The following GC variants were observed in gnomAD, a reference collection of about 807,000 sequenced individuals.
The protein encoded by GC is vitamin D-binding protein.
Under a neutral mutation model 56.7 loss-of-function variants are expected in GC, and 43 were observed. That is an observed-to-expected ratio of 0.76 (90% CI 0.59 to 0.98). GC has a LOEUF of 0.98. GC is among the 50% of genes least tolerant of loss of function. GC has a pLI of 0.00. For synonymous variants in GC, 216 were observed against 202.7 expected, an observed-to-expected ratio of 1.07 and a Z score of -0.56; for missense variants, 529 against 545.9, an observed-to-expected ratio of 0.97 and a Z score of 0.31.
intron 12 of GC, among the ~76,000 whole-genome samples, chr4:71,744,073 G>A (rs1741271180): frequency 6.6e-6 from 1 of 152,034 alleles, no homozygotes; most frequent in Non-Finnish European, 1.5e-5. Context: ...CCATGAACCA[G>A]AAGAATCAGT....
At chr4:71,794,778 T>G (rs893726680) in intron 1 of GC, among the ~76,000 whole-genome samples, 8 of 152,220 alleles carry the variant, frequency 5.3e-5, no homozygotes, top group African/African-American at 1.9e-4. Flanking sequence ...CTTTCCTGCT[T>G]TCTCTTGTGG....
intron 12 of GC, among the ~76,000 whole-genome samples, chr4:71,742,332 C>T (rs1310063956): frequency 1.3e-5 from 2 of 152,110 alleles, no homozygotes; most frequent in Non-Finnish European, 2.9e-5. Context: ...AGGGCCAATT[C>T]GTCTCCCTTA....
At chr4:71,797,074 G>C (rs1002516489) in intron 1 of GC, among the ~76,000 whole-genome samples, 2 of 152,182 alleles carry the variant, frequency 1.3e-5, no homozygotes, top group African/African-American at 4.8e-5. Context: ...TCCCAGAGGG[G>C]CACCTGCCTG....
chr4:71,803,884 A>G (rs1412086979), intron 1 of GC: 2 of 1,157,990 alleles, frequency 1.7e-6, no homozygotes, highest in Non-Finnish European at 2.5e-6. Context: ...CTCAGAGAGT[A>G]CCAATGGTAA....
At chr4:71,754,909 T>C (rs1741673108) in intron 9 of GC, 69 bp downstream of exon 9, 1 of 1,070,622 alleles carries the variant, frequency 9.3e-7, no homozygotes, top group Non-Finnish European at 1.3e-6. Flanking sequence ...TGAGCAAGTT[T>C]TGGCCCATGA....
chr4:71,755,108 C>T lies in GC; in HGVS notation c.1035-1G>A, dbSNP rs112725080. The T allele has an allele frequency of 6.6e-7, 1 of 1,514,594 alleles. No individual in the cohort carries two copies. The highest frequency in any genetic ancestry group is 8.9e-7 in the Non-Finnish European group (1 of 1,118,662). The allele number at this position is 1,514,594 out of a possible 1,614,324, so 93.8% of individuals were successfully genotyped here. On this transcript the variant is annotated splice_acceptor_variant, in intron 8 of 12. Transcript: ENST00000273951. LOFTEE classifies it high-confidence loss of function. The stretch of plus-strand genomic sequence containing the variant: ...CCTTCTGCTTAGTTCAAATGTATAC[C>T]TAGCATGAGGGAGAAAAGGAGATAT...
intron 6 of GC, among the ~76,000 whole-genome samples, 168 bp downstream of exon 6, chr4:71,763,240 G>T (rs73827385): frequency 6.6e-6 from 1 of 151,986 alleles, no homozygotes; most frequent in East Asian, 1.9e-4. Context: ...TTCATAATCT[G>T]TATAGAGAAA....
chr4:71,772,516 G>A (rs779170473), intron 1 of GC, among the ~76,000 whole-genome samples: 25 of 152,152 alleles, frequency 1.6e-4, no homozygotes, highest in Non-Finnish European at 2.2e-4. Context: ...TGTGAAGGTA[G>A]TGTAACTGGG....
At chr4:71,766,553 A>C (rs1742165270) in intron 3 of GC, among the ~76,000 whole-genome samples, 2 of 152,184 alleles carry the variant, frequency 1.3e-5, no homozygotes, top group African/African-American at 4.8e-5. Context: ...TTATATGGGA[A>C]ACAGTACTTT....
chr4:71,790,054 TTA>T (rs1742932060), intron 1 of GC, among the ~76,000 whole-genome samples: 6 of 152,002 alleles, frequency 3.9e-5, no homozygotes, highest in Admixed American at 3.9e-4. Context: ...TGAAGCTCTG[TTA>T]TTATACACAT....
At chr4:71,768,563 G>C in intron 2 of GC, 130 bp from the exon 3 acceptor site, 1 of 665,832 alleles carries the variant, frequency 1.5e-6, no homozygotes, top group Non-Finnish European at 2.4e-6. Flanking sequence ...CTGCCTCCCA[G>C]GTTCAAGCAA....
upstream of GC, among the ~76,000 whole-genome samples, chr4:71,785,626 T>A (rs1742814248): frequency 1.3e-5 from 2 of 151,892 alleles, no homozygotes; most frequent in African/African-American, 4.8e-5. Flanking sequence ...ATCCATATGG[T>A]CAAGGAGATA....
intron 7 of GC, among the ~76,000 whole-genome samples, chr4:71,757,367 TG>T (rs1741814929): frequency 6.6e-6 from 1 of 152,084 alleles, no homozygotes; most frequent in African/African-American, 2.4e-5. Flanking sequence ...GCATTTTTAA[TG>T]GAAAAAGACA....
intron 8 of GC, 42 bp downstream of exon 8, chr4:71,756,670 G>A: frequency 7.0e-7 from 1 of 1,424,228 alleles, no homozygotes; most frequent in Non-Finnish European, 9.9e-7. Flanking sequence ...TTGTCCAGAT[G>A]AACTTAAAAT....
intron 6 of GC, among the ~76,000 whole-genome samples, chr4:71,761,021 G>A (rs1021876287): frequency 1.3e-5 from 2 of 152,182 alleles, no homozygotes; most frequent in Admixed American, 6.5e-5. Flanking sequence ...AAAGATACCC[G>A]AAAATGTGGA....
In GC at chr4:71,756,732, T is replaced by C; in HGVS notation, c.1014A>G (p.Gly338=). The C allele has an allele frequency of 6.2e-7, 1 of 1,613,172 alleles. No individual in the cohort carries two copies. Among genetic ancestry groups the C allele is most frequent in the Non-Finnish European group, 8.5e-7 (1 of 1,179,144 alleles). ...CTTACTTATCCATGACTTTGGTGTT[T>C]CCTGGATCACACACATCTTTGTTTG... ...LPTNKDVCDP[G]NTKVMDKYTF... The change falls in exon 8 of 13, where the codon GGA becomes GGG. Residue 338 remains glycine (G), a synonymous_variant. Transcript: ENST00000273951.
intron 1 of GC, among the ~76,000 whole-genome samples, chr4:71,801,583 G>A (rs1487068432): frequency 6.6e-6 from 1 of 152,070 alleles, no homozygotes; most frequent in Non-Finnish European, 1.5e-5. Context: ...ATCACCTGCT[G>A]TCCAACACAT....
chr4:71,798,513 C>T (rs1223379027), intron 1 of GC, among the ~76,000 whole-genome samples: 1 of 152,132 alleles, frequency 6.6e-6, no homozygotes, highest in Non-Finnish European at 1.5e-5. Context: ...ACTGGTTAAT[C>T]ATCTTGAACC....
At chr4:71,787,151 T>C (rs550542728), upstream of GC, among the ~76,000 whole-genome samples, 5 of 151,966 alleles carry the variant, frequency 3.3e-5, no homozygotes, top group African/African-American at 1.2e-4. Flanking sequence ...TTTAAATCAT[T>C]CTCCCCTCTG....
Sources: allele counts gnomAD v4.1 joint callset (sites outside exome capture counted in the v4.1 genomes callset), GRCh38; gene constraint gnomAD v4.1.1; transcripts MANE v1.5; gene names NCBI Gene and HGNC (gene_info 2026-07-23, HGNC 2026-07-21).